ATXN7L1: variants seen among roughly 807,000 people sequenced by gnomAD.
ATXN7L1 encodes the protein ataxin-7-like protein 1.
ATXN7L1 carries 15 observed loss-of-function variants against 70.8 expected under a neutral mutation model. The observed-to-expected ratio is 0.21, with a 90% confidence interval of 0.14 to 0.33. The LOEUF (loss-of-function observed/expected upper bound fraction) is 0.33. ATXN7L1 is among the 10% of genes least tolerant of loss of function. ATXN7L1 has a pLI of 1.00. For synonymous variants in ATXN7L1, 440 were observed against 445.1 expected (o/e 0.99, Z 0.14); for missense variants, 975 against 1,097.1 (o/e 0.89, Z 1.57).
intron 3 of ATXN7L1, among the ~76,000 whole-genome samples, chr7:105,702,178 T>C (rs1792540147): frequency 6.6e-6 from 1 of 152,174 alleles, no homozygotes; most frequent in African/African-American, 2.4e-5. Flanking sequence ...TTTGCATCCG[T>C]GGCATAACTG....
rs188567295 is a variant in ATXN7L1, at chr7:105,607,623, C to T, written c.*229G>A. Reference sequence around the variant, plus strand: ...ACATGGCAAATGAAAGGAAAGACAGCGGAAACCAAACACTGGAACTGTTTT... The same window carrying T: ...ACATGGCAAATGAAAGGAAAGACAGTGGAAACCAAACACTGGAACTGTTTT... On this transcript the variant is annotated 3_prime_UTR_variant, in exon 12 of 12. Coordinates refer to ENST00000419735, the MANE Select transcript of ATXN7L1 (RefSeq NM_020725.2). 3.8e-5 allele frequency: 21 copies of T among 548,946 alleles called. No individual in the cohort carries two copies. Among genetic ancestry groups the T allele is most frequent in the South Asian group, 1.3e-4 (5 of 37,386 alleles). The allele number at this position is 548,946 out of a possible 1,614,324, so 34.0% of individuals were successfully genotyped here.
chr7:105,814,705 G>C (rs1808941407), intron 2 of ATXN7L1, among the ~76,000 whole-genome samples: 1 of 152,166 alleles, frequency 6.6e-6, no homozygotes, highest in South Asian at 2.1e-4. Flanking sequence ...GAAGGAAGAA[G>C]AGTCAGAAAG....
At chr7:105,668,697 T>C (rs1465308310) in intron 3 of ATXN7L1, among the ~76,000 whole-genome samples, 1 of 152,152 alleles carries the variant, frequency 6.6e-6, no homozygotes, top group Admixed American at 6.5e-5. Context: ...GCTGGGATTG[T>C]AGGCATGAGC....
intron 2 of ATXN7L1, among the ~76,000 whole-genome samples, chr7:105,835,928 A>G (rs1055658634): frequency 1.2e-4 from 19 of 152,084 alleles, no homozygotes; most frequent in African/African-American, 3.9e-4. Flanking sequence ...ATACCAAGGG[A>G]AAAAAACCCT....
At chr7:105,655,273 G>C (rs940369) in intron 4 of ATXN7L1, among the ~76,000 whole-genome samples, 34,386 of 152,082 alleles carry the variant, frequency 0.23, 4,383 homozygotes, top group African/African-American at 0.35. Context: ...TCTGCCCCCA[G>C]CCGCAGCCCC....
intron 3 of ATXN7L1, among the ~76,000 whole-genome samples, chr7:105,787,243 T>C (rs1337437606): frequency 2.0e-5 from 3 of 152,194 alleles, no homozygotes; most frequent in Admixed American, 2.0e-4. Flanking sequence ...ACAGAAGTCA[T>C]CTTCCCATGG....
chr7:105,849,165 G>A (rs1400932822), intron 2 of ATXN7L1, among the ~76,000 whole-genome samples: 2 of 152,200 alleles, frequency 1.3e-5, no homozygotes, highest in African/African-American at 4.8e-5. Flanking sequence ...CATCACCACT[G>A]GCCTGAGAGG....
At chr7:105,665,633 C>A (rs1331886536) in intron 3 of ATXN7L1, among the ~76,000 whole-genome samples, 1 of 152,146 alleles carries the variant, frequency 6.6e-6, no homozygotes, top group African/African-American at 2.4e-5. Flanking sequence ...CCACACATAG[C>A]CAAAGCAATT....
chr7:105,874,626 A>G (rs1818749957), intron 2 of ATXN7L1, among the ~76,000 whole-genome samples: 1 of 152,236 alleles, frequency 6.6e-6, no homozygotes. Flanking sequence ...ATGCTAGGGA[A>G]CTGTCCTTGA....
intron 11 of ATXN7L1, among the ~76,000 whole-genome samples, chr7:105,608,642 T>C (rs1490606309): frequency 6.6e-6 from 1 of 152,140 alleles, no homozygotes; most frequent in African/African-American, 2.4e-5. Context: ...GGCCTGAGTA[T>C]AAATGTGCCT....
intron 2 of ATXN7L1, among the ~76,000 whole-genome samples, chr7:105,822,645 T>C (rs748966051): frequency 3.3e-5 from 5 of 152,188 alleles, no homozygotes; most frequent in African/African-American, 7.2e-5. Context: ...AGCCACCCTA[T>C]GAGAAAGCCA....
intron 2 of ATXN7L1, among the ~76,000 whole-genome samples, chr7:105,814,093 A>G (rs1808836504): frequency 6.6e-6 from 1 of 152,216 alleles, no homozygotes; most frequent in Admixed American, 6.5e-5. Flanking sequence ...CCAGCTTCGC[A>G]GCAGTCCCCA....
rs150182467 is a variant in ATXN7L1, at chr7:105,614,354, A to AGAG, written c.1977_1979dup (p.Ser661dup). 6.9e-4 allele frequency: 1,075 copies of AGAG among 1,550,316 alleles called. No homozygotes were observed. Among genetic ancestry groups the AGAG allele is most frequent in the Admixed American group, 1.5e-3 (75 of 50,888 alleles). ...GAGACGAGAGGGATGTCTGCAAGGA[A>AGAG]GAGGAGGAGGAGGAGGAGGAGGAGG... On this transcript the variant is annotated inframe_insertion, in exon 10 of 12. Transcript: ENST00000419735. This position sits in a 1 kb window ranked among gnomAD's most constrained non-coding sequence, Gnocchi z 4.3.
chr7:105,722,384 A>C (rs1003184387), intron 3 of ATXN7L1, among the ~76,000 whole-genome samples: 11 of 151,920 alleles, frequency 7.2e-5, no homozygotes, highest in African/African-American at 2.7e-4. Context: ...CAACATGATG[A>C]AACTCTGTCT....
At chr7:105,647,278 G>C (rs985534677) in intron 4 of ATXN7L1, among the ~76,000 whole-genome samples, 7 of 152,184 alleles carry the variant, frequency 4.6e-5, no homozygotes, top group African/African-American at 1.7e-4. Flanking sequence ...TAGATGTTAG[G>C]TCCTCAGGCC....
chr7:105,733,503 C>CA (rs200115510), intron 3 of ATXN7L1, among the ~76,000 whole-genome samples: 8,703 of 120,940 alleles, frequency 0.072, 1,627 homozygotes, highest in East Asian at 0.16. Context: ...CCCATCCATC[C>CA]TTCCATCCAT....
intron 7 of ATXN7L1, 68 bp from the exon 8 acceptor site, chr7:105,624,335 C>T (rs1385419276): frequency 6.0e-5 from 78 of 1,295,756 alleles, no homozygotes; most frequent in Admixed American, 1.5e-4. Flanking sequence ...CAAGATCCAC[C>T]CAGTTTAATG....
chr7:105,747,808 C>T (rs1289654395), intron 3 of ATXN7L1, among the ~76,000 whole-genome samples: 1 of 152,164 alleles, frequency 6.6e-6, no homozygotes, highest in East Asian at 1.9e-4. Flanking sequence ...GGGAAAAACT[C>T]CAACATGTTT....
At chr7:105,860,942 G>A (rs1321338663) in intron 2 of ATXN7L1, among the ~76,000 whole-genome samples, 1 of 152,224 alleles carries the variant, frequency 6.6e-6, no homozygotes, top group African/African-American at 2.4e-5. Flanking sequence ...AGCAGTGCAA[G>A]GAGGTGCGAG....
Sources: allele counts gnomAD v4.1 joint callset (sites outside exome capture counted in the v4.1 genomes callset), GRCh38; gene constraint gnomAD v4.1.1; non-coding constraint Gnocchi (gnomAD v3.1); transcripts MANE v1.5; gene names NCBI Gene and HGNC (gene_info 2026-07-23, HGNC 2026-07-21).